ECHDC2: variants seen among roughly 807,000 people sequenced by gnomAD.
ECHDC2 encodes enoyl-CoA hydratase domain-containing protein 2, mitochondrial.
A neutral mutation model predicts 40.6 loss-of-function variants in ECHDC2; 34 were observed. That is an observed-to-expected ratio of 0.84 (90% confidence interval 0.64 to 1.11). The LOEUF is 1.11. Ranked by LOEUF, ECHDC2 falls within the 50% of genes most tolerant of loss-of-function variation. The pLI is 0.00. For missense variants in ECHDC2, 392 were observed against 400.7 expected, an observed-to-expected ratio of 0.98 and a Z score of 0.19; for synonymous variants, 162 against 166.6, an observed-to-expected ratio of 0.97 and a Z score of 0.21.
At chr1:52,912,097 GAC>G in intron 1 of ECHDC2, 1 of 1,286,392 alleles carries the variant, frequency 7.8e-7, no homozygotes, top group South Asian at 1.8e-5. Flanking sequence ...TTGTTAGACA[GAC>G]AGACACACAC....
intron 4 of ECHDC2, 133 bp downstream of exon 4, chr1:52,907,735 T>A (rs1648277503): frequency 9.4e-6 from 7 of 745,158 alleles, no homozygotes; most frequent in Non-Finnish European, 1.5e-5. Flanking sequence ...TCCATCCCCC[T>A]GGGTGAGTCA....
chr1:52,898,485 C>G (rs931241745), intron 8 of ECHDC2: 1 of 153,254 alleles, frequency 6.5e-6, no homozygotes, highest in African/African-American at 2.4e-5. Flanking sequence ...TCCCAAAGTG[C>G]TGGGACTACA....
At chr1:52,920,359 C>A (rs751751136) in intron 1 of ECHDC2, 24 of 674,564 alleles carry the variant, frequency 3.6e-5, no homozygotes, top group Non-Finnish European at 5.6e-5. Flanking sequence ...TGTTGTCAAG[C>A]CGGTAAAAAG....
At chr1:52,915,859 T>C (rs1187637440) in intron 1 of ECHDC2, among the ~76,000 whole-genome samples, 2 of 152,204 alleles carry the variant, frequency 1.3e-5, no homozygotes, top group East Asian at 3.8e-4. Context: ...GGTTATAGTA[T>C]ATAAAAGGCT....
chr1:52,897,180 A>C, intron 9 of ECHDC2: 1 of 552,642 alleles, frequency 1.8e-6, no homozygotes. Flanking sequence ...TCTTCCTCTT[A>C]AGGACCTGTG....
chr1:52,904,904 A>G, intron 6 of ECHDC2, 71 bp from the exon 7 acceptor site: 2 of 1,594,748 alleles, frequency 1.3e-6, no homozygotes, highest in Non-Finnish European at 1.7e-6. Context: ...TCAGCCTGGG[A>G]CTCAGCCAAG....
At chr1:52,905,150 CG>C in intron 5 of ECHDC2, 60 bp from the exon 6 acceptor site, 2 of 1,575,364 alleles carry the variant, frequency 1.3e-6, no homozygotes, top group Non-Finnish European at 1.7e-6. Context: ...GTGCTAATCC[CG>C]GGGGCCACAG....
In ECHDC2 at chr1:52,905,061, T is replaced by C. The variant is rs1038932366; in HGVS notation, c.487A>G (p.Thr163Ala). ...GCCCCCGGGAGGAGCCCTCGCGTGG[T>C]CTCAATCAGTCCCATGACTGCCGAG... The part of the protein sequence containing the change: ...ASSAVMGLIE[T>A]TRGLLPGAGG... The change falls in exon 6 of 10, where the codon ACC becomes GCC. Residue 163 changes from threonine (T) to alanine (A), a missense_variant. Physicochemically the swap from Thr to Ala is moderately conservative, Grantham distance 58. Transcript: ENST00000371522. The C allele has an allele frequency of 1.2e-6, 2 of 1,613,932 alleles. No individual in the cohort carries two copies. Among genetic ancestry groups the C allele is most frequent in the Admixed American group, 3.3e-5 (2 of 59,992 alleles).
At chr1:52,899,586 G>C (rs1395414844) in intron 7 of ECHDC2, 4 of 244,294 alleles carry the variant, frequency 1.6e-5, no homozygotes, top group Non-Finnish European at 3.2e-5. Context: ...TTTTACAGCT[G>C]TGAGATTGCA....
chr1:52,897,677 AT>A, intron 8 of ECHDC2, 193 bp from the exon 9 acceptor site: 1 of 637,020 alleles, frequency 1.6e-6, no homozygotes, highest in Non-Finnish European at 2.8e-6. Flanking sequence ...AGACTGAGAC[AT>A]TTTGCCAGAG....
At chr1:52,901,779 T>G (rs1421326619) in intron 7 of ECHDC2, 1 of 152,226 alleles carries the variant, frequency 6.6e-6, no homozygotes, top group Non-Finnish European at 1.5e-5. Context: ...TATCAGTAAT[T>G]ATATAGTACC....
intron 3 of ECHDC2, among the ~76,000 whole-genome samples, chr1:52,910,070 A>C (rs960264978): frequency 3.3e-5 from 5 of 152,194 alleles, no homozygotes; most frequent in Admixed American, 1.3e-4. Context: ...TAAGCCAGGC[A>C]CCAAAAAACA....
In ECHDC2 at chr1:52,904,770, C is replaced by T. The variant is rs139565495; in HGVS notation, c.578G>A (p.Gly193Asp). ...VALAKELIFT[G>D]RRLSGTEAHV... ...GGCCTCAGTTCCACTCAGTCGTCGG[C>T]CCGTGAAGATGAGCTCCTTCGCCAG... Residue 193 changes from glycine (G) to aspartate (D), a missense_variant, in exon 7 of 10, where the codon GGC becomes GAC. By Grantham distance (94) the Gly-to-Asp change is moderately conservative. Coordinates refer to ENST00000371522, the MANE Select transcript of ECHDC2 (RefSeq NM_001198961.2). The T allele has an allele frequency of 3.7e-6, 6 of 1,613,110 alleles. No individual in the cohort carries two copies. The East Asian group carries it at 1.1e-4, about 30-fold the overall frequency.
intron 1 of ECHDC2, chr1:52,912,019 A>G (rs1649637566): frequency 3.5e-6 from 5 of 1,418,540 alleles, no homozygotes; most frequent in Admixed American, 5.8e-5. Flanking sequence ...AAGGACTTGT[A>G]AACTGTGAAG....
At chr1:52,920,552 G>A (rs1408837404) in intron 1 of ECHDC2, 1 of 1,435,292 alleles carries the variant, frequency 7.0e-7, no homozygotes, top group Non-Finnish European at 9.8e-7. Context: ...CCACGGGGAA[G>A]GGGCCCTTGG....
At chr1:52,897,637 CTA>C in intron 8 of ECHDC2, 153 bp from the exon 9 acceptor site, 2 of 745,818 alleles carry the variant, frequency 2.7e-6, no homozygotes, top group Non-Finnish European at 4.7e-6. Flanking sequence ...CCATTCGTAA[CTA>C]TGACAAAACT....
At chr1:52,906,247 G>A (rs2298146) in intron 5 of ECHDC2, 17,409 of 499,944 alleles carry the variant, frequency 0.035, 655 homozygotes, top group East Asian at 0.18. Context: ...TGACCTCCTT[G>A]GCTCGTAACA....
At position 52,904,698 on chromosome 1, in the gene ECHDC2, C is replaced by G. The variant is rs776849535; in HGVS notation, c.650G>C (p.Gly217Ala). ...VNHAVAQNEE[G>A]DAAYQRARAL... The stretch of plus-strand genomic sequence containing the variant: ...TCGTGCCCGCTGGTAGGCGGCGTCC[C>G]CCTCCTCGTTCTGGGCCACAGCGTG... The change falls in exon 7 of 10, where the codon GGG (glycine) becomes GCG (alanine). Residue 217 changes from glycine (G) to alanine (A), a missense_variant. By Grantham distance (60) the Gly-to-Ala change is moderately conservative. Coordinates refer to ENST00000371522, the MANE Select transcript of ECHDC2 (RefSeq NM_001198961.2). 6.2e-7 allele frequency: 1 copy of G among 1,612,044 alleles called. No homozygotes were observed. Among genetic ancestry groups the G allele is most frequent in the East Asian group, 2.2e-5 (1 of 44,868 alleles).
In ECHDC2 at chr1:52,911,578, C is replaced by T. The variant is rs926105927; in HGVS notation, c.265G>A (p.Val89Met). Residue 89 changes from valine (V) to methionine (M), a missense_variant, in exon 3 of 10, where the codon GTG (valine) becomes ATG (methionine). Val to Met is a conservative substitution (Grantham distance 21). Transcript: ENST00000371522. ...VLLFRSGVKG[V>M]FCAGADLKER... ...AGAGAGAACCTACCTGCACAGAACA[C>T]GCCCTTCACTCCACTTCTGAAGAGC... 6.2e-6 allele frequency: 10 copies of T among 1,613,694 alleles called. No homozygotes were observed. The highest frequency in any genetic ancestry group is 3.4e-4 in the Middle Eastern group (2 of 5,862).
Sources: allele counts gnomAD v4.1 joint callset (sites outside exome capture counted in the v4.1 genomes callset), GRCh38; gene constraint gnomAD v4.1.1; transcripts MANE v1.5; gene names NCBI Gene and HGNC (gene_info 2026-07-23, HGNC 2026-07-21).